Variants in PACRG observed in about 807,000 individuals in gnomAD.
PACRG encodes the protein parkin coregulated gene protein.
Under a neutral mutation model 29.7 loss-of-function variants are expected in PACRG, and 29 were observed. That is an observed-to-expected ratio of 0.98 (90% CI 0.73 to 1.33). The LOEUF (loss-of-function observed/expected upper bound fraction) is 1.33. Among genes scored for constraint, PACRG ranks in the 40% most tolerant of loss-of-function variants. PACRG has a pLI of 0.00. For synonymous variants in PACRG, 116 were observed against 118.7 expected (o/e 0.98, Z 0.15); for missense variants, 279 against 316.2 (o/e 0.88, Z 0.89).
At chr6:163,209,927 C>T (rs976954031) in intron 4 of PACRG, among the ~76,000 whole-genome samples, 2 of 152,120 alleles carry the variant, frequency 1.3e-5, no homozygotes, top group African/African-American at 4.8e-5. Flanking sequence ...CCCTCCATTG[C>T]ACAGTAAGAG....
chr6:163,015,625 G>A (rs1313088315), intron 2 of PACRG, among the ~76,000 whole-genome samples: 1 of 152,242 alleles, frequency 6.6e-6, no homozygotes, highest in African/African-American at 2.4e-5. Context: ...AAATGGGATT[G>A]TGTTCTTCAT....
intron 4 of PACRG, among the ~76,000 whole-genome samples, chr6:163,196,786 G>T (rs762927325): frequency 2.6e-5 from 4 of 152,060 alleles, no homozygotes; most frequent in Non-Finnish European, 5.9e-5. Context: ...CAGACAGACA[G>T]ACAGAAAGAC....
rs1318499108 is a variant in PACRG at position 163,062,293 on chromosome 6, C to A, written c.435C>A (p.Val145=). ...LEHGGNKILP[V]LPQLIIPIKN... is the part of the protein sequence containing the mutation. ...ACGGTGGGAACAAGATCCTACCTGT[C>A]CTTCCACAGCTCATTATCCCGATAA... is the stretch of plus-strand genomic sequence containing the variant. Residue 145 remains valine (V), a synonymous_variant, in exon 3 of 5, where the codon GTC becomes GTA. Coordinates refer to ENST00000366888, the MANE Select transcript of PACRG (RefSeq NM_001080379.2). 4 of 1,613,648 alleles carry A rather than the reference C, an allele frequency of 2.5e-6. No individual in the cohort carries two copies. The highest frequency in any genetic ancestry group is 4.5e-5 in the East Asian group (2 of 44,882).
At chr6:163,260,480 A>C (rs2128175173) in intron 4 of PACRG, among the ~76,000 whole-genome samples, 1 of 152,294 alleles carries the variant, frequency 6.6e-6, no homozygotes, top group African/African-American at 2.4e-5. Context: ...GTATTTCTAC[A>C]CCTATTGTTA....
At chr6:162,803,791 G>A (rs1344244930) in intron 1 of PACRG, among the ~76,000 whole-genome samples, 1 of 151,932 alleles carries the variant, frequency 6.6e-6, no homozygotes, top group Non-Finnish European at 1.5e-5. Context: ...TGAACAGGAA[G>A]ACTCATCTAT....
intron 4 of PACRG, among the ~76,000 whole-genome samples, chr6:163,149,349 C>T (rs1182023212): frequency 1.3e-5 from 2 of 152,170 alleles, no homozygotes; most frequent in Non-Finnish European, 2.9e-5. Context: ...CGCACTGGCC[C>T]GTCTGCCCTC....
chr6:163,309,435 A>T (rs369656489), intron 4 of PACRG, among the ~76,000 whole-genome samples: 12 of 152,350 alleles, frequency 7.9e-5, no homozygotes, highest in African/African-American at 2.6e-4. Flanking sequence ...TGTCTGAGAT[A>T]GTTGCTAATT....
At chr6:163,312,155 C>T (rs1171982857) in intron 4 of PACRG, among the ~76,000 whole-genome samples, 1 of 152,174 alleles carries the variant, frequency 6.6e-6, no homozygotes, top group Non-Finnish European at 1.5e-5. Flanking sequence ...GGCCATGCCA[C>T]CTTCTCCCTA....
At chr6:163,255,106 A>G (rs544681602) in intron 4 of PACRG, among the ~76,000 whole-genome samples, 1 of 152,300 alleles carries the variant, frequency 6.6e-6, no homozygotes, top group East Asian at 1.9e-4. Flanking sequence ...GAAAGACCCA[A>G]TGTCCATGGC....
intron 1 of PACRG, among the ~76,000 whole-genome samples, chr6:162,732,193 C>A (rs1779822253): frequency 6.6e-6 from 1 of 152,190 alleles, no homozygotes; most frequent in African/African-American, 2.4e-5. Context: ...CATGAAGCAA[C>A]TCCCAAGCCC....
intron 4 of PACRG, among the ~76,000 whole-genome samples, chr6:163,144,363 C>T (rs1276220026): frequency 7.7e-6 from 1 of 130,648 alleles, no homozygotes; most frequent in African/African-American, 2.8e-5. Context: ...CACACACACA[C>T]ACACACAGTT....
At chr6:162,858,293 T>C (rs1053737128) in intron 2 of PACRG, among the ~76,000 whole-genome samples, 2 of 152,110 alleles carry the variant, frequency 1.3e-5, no homozygotes, top group African/African-American at 2.4e-5. Context: ...AGGAGAGAGA[T>C]AGAGAAGGCG....
At chr6:163,032,740 C>T (rs1807787244) in intron 2 of PACRG, among the ~76,000 whole-genome samples, 1 of 152,160 alleles carries the variant, frequency 6.6e-6, no homozygotes, top group Non-Finnish European at 1.5e-5. Flanking sequence ...GTCACTGTTG[C>T]ATTAGTGCAT....
At chr6:162,893,180 C>G (rs1352936415) in intron 2 of PACRG, among the ~76,000 whole-genome samples, 1 of 152,184 alleles carries the variant, frequency 6.6e-6, no homozygotes, top group Non-Finnish European at 1.5e-5. Context: ...GTGCCGCTCA[C>G]CCAAACTATT....
chr6:162,988,337 G>T (rs1562806457), intron 2 of PACRG, among the ~76,000 whole-genome samples: 2 of 152,158 alleles, frequency 1.3e-5, no homozygotes, highest in African/African-American at 4.8e-5. Flanking sequence ...GGTCAATCGA[G>T]GTAGAGAGAG....
chr6:162,834,551 C>G (rs1281169694), intron 2 of PACRG, among the ~76,000 whole-genome samples: 4 of 151,806 alleles, frequency 2.6e-5, no homozygotes, highest in African/African-American at 9.7e-5. Flanking sequence ...CTTTTACCTG[C>G]AAAGACCCTG....
intron 2 of PACRG, among the ~76,000 whole-genome samples, chr6:162,893,138 T>C (rs1381670582): frequency 6.6e-6 from 1 of 152,058 alleles, no homozygotes; most frequent in East Asian, 1.9e-4. Context: ...TCATCCCTGG[T>C]GTCTGTCTTC....
chr6:162,871,188 A>C (rs1792772264), intron 2 of PACRG, among the ~76,000 whole-genome samples: 1 of 152,202 alleles, frequency 6.6e-6, no homozygotes, highest in African/African-American at 2.4e-5. Flanking sequence ...CTTAATATTT[A>C]TCAATAAAAG....
At chr6:163,045,626 T>G (rs1449818052) in intron 2 of PACRG, among the ~76,000 whole-genome samples, 2 of 146,604 alleles carry the variant, frequency 1.4e-5, no homozygotes, top group African/African-American at 5.1e-5. Context: ...CCCAGCTTTT[T>G]TTTTTTTTTT....
Sources: allele counts gnomAD v4.1 joint callset (sites outside exome capture counted in the v4.1 genomes callset), GRCh38; gene constraint gnomAD v4.1.1; transcripts MANE v1.5; gene names NCBI Gene and HGNC (gene_info 2026-07-23, HGNC 2026-07-21).